The following SERHL2 variants were observed in gnomAD, a reference collection of about 807,000 sequenced individuals.
SERHL2 encodes the protein serine hydrolase-like protein 2.
A neutral mutation model predicts 25.5 loss-of-function variants in SERHL2; 29 were observed. The observed-to-expected ratio is 1.14, with a 90% CI of 0.85 to 1.55. SERHL2 has a LOEUF of 1.55. SERHL2 is among the 40% of genes most tolerant of loss of function. The pLI, the probability that SERHL2 is intolerant of heterozygous loss-of-function variation, is 0.00. For synonymous variants in SERHL2, 95 were observed against 103.5 expected, an observed-to-expected ratio of 0.92 and a Z score of 0.50; for missense variants, 240 against 252.3, an observed-to-expected ratio of 0.95 and a Z score of 0.33.
intron 7 of SERHL2, among the ~76,000 whole-genome samples, chr22:42,559,356 T>C (rs564912572): frequency 5.3e-5 from 8 of 149,636 alleles, no homozygotes; most frequent in Non-Finnish European, 1.2e-4. Flanking sequence ...CAGACAGCCA[T>C]GATCATGCCA....
chr22:42,568,602 A>C (rs1336106847), intron 9 of SERHL2, among the ~76,000 whole-genome samples: 1 of 151,918 alleles, frequency 6.6e-6, no homozygotes, highest in Non-Finnish European at 1.5e-5. Context: ...ACATAAACTA[A>C]ATTGCAGAAG....
chr22:42,563,525 C>A, intron 8 of SERHL2: 1 of 328,142 alleles, frequency 3.0e-6, no homozygotes, highest in South Asian at 2.2e-5. Context: ...AAAAACAAAA[C>A]AAAAATATCT....
At chr22:42,570,588 C>A (rs1347233451) in intron 9 of SERHL2, among the ~76,000 whole-genome samples, 1 of 152,218 alleles carries the variant, frequency 6.6e-6, no homozygotes, top group Non-Finnish European at 1.5e-5. Context: ...TCCCTGCCAT[C>A]CAGACGTAAA....
chr22:42,567,791 C>G (rs1193090603), intron 9 of SERHL2, among the ~76,000 whole-genome samples: 1 of 151,458 alleles, frequency 6.6e-6, no homozygotes, highest in African/African-American at 2.4e-5. Flanking sequence ...AGTGCAATGG[C>G]ACTATCTCAG....
intron 1 of SERHL2, 58 bp downstream of exon 1, chr22:42,554,100 T>C: frequency 2.5e-6 from 4 of 1,591,730 alleles, no homozygotes; most frequent in Non-Finnish European, 3.4e-6. Flanking sequence ...GTTGGGACAG[T>C]AGAAGAGGGC....
At chr22:42,569,584 CAGGGTCA>C (rs1299812286) in intron 9 of SERHL2, 2 of 151,800 alleles carry the variant, frequency 1.3e-5, no homozygotes, top group Admixed American at 6.6e-5. Context: ...TTAGTAGAGA[CAGGGTCA>C]AGTTTGCCTG....
chr22:42,554,590 C>CT lies in SERHL2; in HGVS notation c.23-348_23-347insT, dbSNP rs201878261. 6.1e-3 allele frequency among the ~76,000 whole-genome samples: 934 copies of CT among 152,248 alleles called. 13 individuals carry two copies. The highest frequency in any genetic ancestry group is 0.02 in the African/African-American group (822 of 41,504). ...TACAGGAAAGGAAACAGGCTCAAGACGTTTTAGTAACTTCTCCAAGGTTAC... is the reference window on the plus strand; with the variant it reads ...TACAGGAAAGGAAACAGGCTCAAGACTGTTTTAGTAACTTCTCCAAGGTTAC... On this transcript the variant is annotated intron_variant, in intron 1 of 11. Transcript: ENST00000327678.
rs75727575 is a variant in SERHL2, at chr22:42,560,183, C to A, written c.534-3C>A. 1.9e-6 allele frequency: 3 copies of A among 1,609,970 alleles called. No individual in the cohort carries two copies. Among genetic ancestry groups the A allele is most frequent in the South Asian group, 1.1e-5 (1 of 91,022 alleles). ...CACCCAGCATCCTTCTGTCTCCCCC[C>A]AGGTTACTGAAGAGCAATAGCCACT... is the stretch of plus-strand genomic sequence containing the variant. On this transcript the variant is annotated splice_polypyrimidine_tract_variant and splice_region_variant and intron_variant, in intron 7 of 11. Transcript: ENST00000327678.
At chr22:42,559,229 T>TAAAAAAAAAAAAAAAAAAAAAAA in intron 7 of SERHL2, among the ~76,000 whole-genome samples, 1 of 69,316 alleles carries the variant, frequency 1.4e-5, no homozygotes, top group East Asian at 1.2e-3. Flanking sequence ...ACCCTGTATT[T>TAAAAAAAAAAAAAAAAAAAAAAA]AAAAAAAAAA....
intron 1 of SERHL2, among the ~76,000 whole-genome samples, chr22:42,554,295 T>C (rs1208370131): frequency 2.6e-5 from 4 of 151,898 alleles, no homozygotes; most frequent in South Asian, 2.1e-4. Context: ...GTGTCGGGGG[T>C]GCGCAAGTCT....
At chr22:42,572,093 T>C (rs967814223) in intron 10 of SERHL2, among the ~76,000 whole-genome samples, 5 of 152,156 alleles carry the variant, frequency 3.3e-5, no homozygotes, top group East Asian at 1.9e-4. Context: ...AACGGGAGGA[T>C]TGTGAAGACA....
chr22:42,567,752 CAG>C (rs1923609750), intron 9 of SERHL2, among the ~76,000 whole-genome samples: 1 of 149,746 alleles, frequency 6.7e-6, no homozygotes, highest in Non-Finnish European at 1.5e-5. Context: ...ATTATTGATA[CAG>C]AGTCTCGCTC....
chr22:42,569,525 G>A (rs1923868873), intron 9 of SERHL2: 3 of 151,894 alleles, frequency 2.0e-5, no homozygotes, highest in Admixed American at 1.3e-4. Context: ...TTCCCAAAAT[G>A]GTGGGATTAC....
At position 42,571,104 on chromosome 22, in the gene SERHL2, T is replaced by C. The variant is rs917903819; in HGVS notation, c.649-17T>C. ...TGTGCCTTGTGACGAGAATTCACCA[T>C]GTTTTTGTCTCTGCAGGCAGAGAAC... On this transcript the variant is annotated splice_polypyrimidine_tract_variant and intron_variant, in intron 9 of 11. Transcript: ENST00000327678. 12 of 1,613,232 alleles carry C rather than the reference T, an allele frequency of 7.4e-6. No individual in the cohort carries two copies. The highest frequency in any genetic ancestry group is 1.0e-5 in the Non-Finnish European group (12 of 1,179,518).
At chr22:42,560,321 A>C (rs752050760) in intron 8 of SERHL2, 56 bp downstream of exon 8, 33 of 1,359,916 alleles carry the variant, frequency 2.4e-5, no homozygotes, top group Non-Finnish European at 3.4e-5. Flanking sequence ...CTTACCGAGG[A>C]TGTCAAGGAC....
intron 10 of SERHL2, among the ~76,000 whole-genome samples, chr22:42,572,110 C>T (rs1241244560): frequency 6.6e-6 from 1 of 152,106 alleles, no homozygotes; most frequent in Non-Finnish European, 1.5e-5. Flanking sequence ...GACATAAATT[C>T]TCTCTCAGAG....
At chr22:42,572,623 G>A in intron 11 of SERHL2, 94 bp downstream of exon 11, 11 of 1,521,646 alleles carry the variant, frequency 7.2e-6, no homozygotes, top group South Asian at 1.2e-5. Context: ...AAGACCCTGG[G>A]TCTGCCCCCA....
chr22:42,568,205 TAG>T lies in SERHL2; in HGVS notation c.648+1871_648+1872del, dbSNP rs1923672503. ...CACCCAGCTAAATTTTTTACTTTTG[TAG>T]AGACAGGGTCTTGCCATGTTGCCCA... On this transcript the variant is annotated intron_variant, in intron 9 of 11. Transcript: ENST00000327678. Among the ~76,000 whole-genome samples, 6 of 15,944 alleles carry T rather than the reference TAG, an allele frequency of 3.8e-4. No individual in the cohort carries two copies. In the Admixed American group the frequency reaches 3.9e-3, roughly 10 times the overall value. The allele number at this position is 15,944 out of a possible 152,430, so 10.5% of individuals were successfully genotyped here. A position where few individuals can be genotyped will look rare whatever the true frequency, so the allele number is the denominator to read the frequency against.
chr22:42,570,980 T>C, intron 9 of SERHL2, 141 bp from the exon 10 acceptor site: 1 of 1,104,004 alleles, frequency 9.1e-7, no homozygotes, highest in Non-Finnish European at 1.3e-6. Context: ...GAGGCAGTGA[T>C]GTGGGGTCCT....
Sources: allele counts gnomAD v4.1 joint callset (sites outside exome capture counted in the v4.1 genomes callset), GRCh38; gene constraint gnomAD v4.1.1; transcripts MANE v1.5; gene names NCBI Gene and HGNC (gene_info 2026-07-23, HGNC 2026-07-21).